The following EYS variants were observed in gnomAD, a reference collection of about 807,000 sequenced individuals.
The protein encoded by EYS is EGF-like photoreceptor maintenance factor.
In EYS, 250 loss-of-function variants were observed where a neutral mutation model predicts 282.1. The ratio of observed to expected loss-of-function variants is 0.89; its 90% CI spans 0.80 to 0.98. The LOEUF (loss-of-function observed/expected upper bound fraction) is 0.98, where lower values mean the gene tolerates loss of function less well. Among genes scored for constraint, EYS ranks in the 50% least tolerant of loss-of-function variants. The probability of loss-of-function intolerance (pLI) is 0.00; values close to 1 mark genes in which losing one functional copy is unlikely to be tolerated. For missense variants in EYS, 4,016 were observed against 3,709.0 expected, an observed-to-expected ratio of 1.08 and a Z score of -2.15; for synonymous variants, 1,355 against 1,282.9, an observed-to-expected ratio of 1.06 and a Z score of -1.20.
chr6:63,910,445 T>C (rs1773886205), intron 35 of EYS, among the ~76,000 whole-genome samples: 1 of 152,146 alleles, frequency 6.6e-6, no homozygotes, highest in Non-Finnish European at 1.5e-5. Flanking sequence ...TAAAAATAAA[T>C]AGAAAAAAAG....
chr6:65,326,479 T>C (rs924216557), intron 11 of EYS, among the ~76,000 whole-genome samples: 48 of 151,464 alleles, frequency 3.2e-4, no homozygotes, highest in Non-Finnish European at 1.5e-4. Flanking sequence ...CAGTAGAATG[T>C]TTGATTTAAC....
chr6:64,452,088 A>G (rs1775371165), intron 26 of EYS, among the ~76,000 whole-genome samples: 1 of 152,240 alleles, frequency 6.6e-6, no homozygotes, highest in South Asian at 2.1e-4. Context: ...TGCAGACAAC[A>G]TGATTATATA....
chr6:65,531,926 A>G (rs886998363), intron 2 of EYS, among the ~76,000 whole-genome samples: 12 of 152,150 alleles, frequency 7.9e-5, no homozygotes, highest in African/African-American at 2.9e-4. Flanking sequence ...TTGGTGATGT[A>G]AATTCTTTGA....
intron 7 of EYS, among the ~76,000 whole-genome samples, chr6:65,400,251 A>C (rs1157263645): frequency 2.0e-5 from 3 of 152,022 alleles, no homozygotes; most frequent in Non-Finnish European, 4.4e-5. Flanking sequence ...CCTTTTTAAA[A>C]TATTTGTTTC....
intron 10 of EYS, among the ~76,000 whole-genome samples, chr6:65,336,477 T>A (rs1298473229): frequency 1.3e-5 from 2 of 151,676 alleles, no homozygotes; most frequent in African/African-American, 4.8e-5. Flanking sequence ...ATTGAATATA[T>A]GTACATTTAT....
At chr6:64,981,984 G>T (rs914015940) in intron 14 of EYS, among the ~76,000 whole-genome samples, 2 of 151,306 alleles carry the variant, frequency 1.3e-5, no homozygotes, top group Non-Finnish European at 3.0e-5. Flanking sequence ...TTTAAACGAG[G>T]CAACTCTAGA....
chr6:64,760,248 C>T (rs1773114610), intron 22 of EYS, among the ~76,000 whole-genome samples: 1 of 152,086 alleles, frequency 6.6e-6, no homozygotes, highest in South Asian at 2.1e-4. Flanking sequence ...CATAAAGCTT[C>T]TCCTCTCTTT....
chr6:64,418,793 G>A (rs1774137431), intron 28 of EYS, among the ~76,000 whole-genome samples: 1 of 149,430 alleles, frequency 6.7e-6, no homozygotes, highest in Non-Finnish European at 1.5e-5. Context: ...AAAAAAAAAA[G>A]AGTAAGTTTC....
chr6:65,179,140 C>A (rs643604), intron 12 of EYS, among the ~76,000 whole-genome samples: 6,905 of 151,936 alleles, frequency 0.045, 438 homozygotes, highest in African/African-American at 0.15. Context: ...CCTAACATCA[C>A]AACTAAAAGA....
chr6:65,624,538 G>A (rs766124516), intron 2 of EYS, among the ~76,000 whole-genome samples: 23 of 152,130 alleles, frequency 1.5e-4, no homozygotes, highest in Non-Finnish European at 2.8e-4. Context: ...TCCTGGGTGT[G>A]TTTGTGAGGG....
At chr6:64,973,936 C>A (rs902771151) in intron 14 of EYS, among the ~76,000 whole-genome samples, 3 of 151,704 alleles carry the variant, frequency 2.0e-5, no homozygotes, top group African/African-American at 7.3e-5. Context: ...AAAGATAATT[C>A]ATTTTTTCCC....
chr6:64,143,092 T>G (rs1774392444), intron 31 of EYS, among the ~76,000 whole-genome samples: 1 of 152,208 alleles, frequency 6.6e-6, no homozygotes, highest in African/African-American at 2.4e-5. Context: ...GCTGTATAGA[T>G]TCCAACTATG....
chr6:65,317,885 T>C (rs111388378), intron 11 of EYS, among the ~76,000 whole-genome samples: 6,703 of 73,312 alleles, frequency 0.091, 507 homozygotes, highest in African/African-American at 0.13. Context: ...TTTCTTTCTT[T>C]CAGACAGAGT....
intron 1 of EYS, among the ~76,000 whole-genome samples, chr6:65,669,942 A>G (rs563325454): frequency 1.3e-5 from 2 of 152,150 alleles, no homozygotes; most frequent in African/African-American, 2.4e-5. Context: ...CATTAATGGT[A>G]CATAGCATAT....
chr6:64,439,928 A>T (rs1208378767), intron 26 of EYS, among the ~76,000 whole-genome samples: 2 of 151,878 alleles, frequency 1.3e-5, no homozygotes, highest in Admixed American at 6.6e-5. Context: ...TAAATATGTG[A>T]TTAATAAAAC....
intron 19 of EYS, among the ~76,000 whole-genome samples, chr6:64,863,263 T>C (rs1766306478): frequency 6.6e-6 from 1 of 152,218 alleles, no homozygotes; most frequent in East Asian, 1.9e-4. Context: ...ATTTTCATTA[T>C]CAAGAAATTC....
intron 26 of EYS, among the ~76,000 whole-genome samples, chr6:64,539,481 G>C (rs1434911673): frequency 1.3e-5 from 2 of 152,146 alleles, no homozygotes; most frequent in Admixed American, 1.3e-4. Flanking sequence ...AGGCTGAGGT[G>C]GGAGGATAGC....
At chr6:64,830,072 T>A (rs917642418) in intron 19 of EYS, among the ~76,000 whole-genome samples, 1 of 151,892 alleles carries the variant, frequency 6.6e-6, no homozygotes, top group Admixed American at 6.6e-5. Context: ...ACCCCTAAAG[T>A]GATGATTAGG....
At chr6:64,725,693 C>A (rs975692487) in intron 22 of EYS, among the ~76,000 whole-genome samples, 3 of 152,054 alleles carry the variant, frequency 2.0e-5, no homozygotes, top group African/African-American at 7.2e-5. Context: ...CCACCAAGAC[C>A]TCCAGCACAG....
Sources: allele counts gnomAD v4.1 joint callset (sites outside exome capture counted in the v4.1 genomes callset), GRCh38; gene constraint gnomAD v4.1.1; transcripts MANE v1.5; gene names NCBI Gene and HGNC (gene_info 2026-07-23, HGNC 2026-07-21).